The following SCN7A variants were observed in gnomAD, a reference collection of about 807,000 sequenced individuals.
The protein encoded by SCN7A is sodium channel protein type 7 subunit alpha.
In SCN7A, 138 loss-of-function variants were observed where a neutral mutation model predicts 155.2. The observed-to-expected ratio is 0.89, with a 90% confidence interval of 0.77 to 1.02. The LOEUF is 1.02. SCN7A is among the 50% of genes least tolerant of loss of function. SCN7A has a pLI of 0.00. For synonymous variants in SCN7A, 693 were observed against 649.0 expected (o/e 1.07, Z -1.03); for missense variants, 2,058 against 1,986.6 (o/e 1.04, Z -0.68).
Position 166,447,723 on chromosome 2 carries a change from G to T in SCN7A, c.1291-15C>A, listed in dbSNP as rs372093707. 77 of 1,586,346 alleles carry T rather than the reference G, an allele frequency of 4.9e-5. No homozygotes were observed. The highest frequency in any genetic ancestry group is 6.0e-5 in the Non-Finnish European group (69 of 1,155,530). ...ATGGTCTTGGCCTGAAAAGGAATTT[G>T]ATGGTTTAATACTGGCTTCCTGTCT... is the stretch of plus-strand genomic sequence containing the variant. On this transcript the variant is annotated splice_polypyrimidine_tract_variant and intron_variant, in intron 11 of 25. Coordinates refer to ENST00000643258, the MANE Select transcript of SCN7A (RefSeq NM_002976.4).
intron 15 of SCN7A, chr2:166,436,472 C>A (rs1238272770): frequency 2.6e-6 from 1 of 383,494 alleles, no homozygotes; most frequent in Admixed American, 2.9e-5. Context: ...AAACCTCTTT[C>A]TTTTGTAAAT....
At chr2:166,411,539 AC>A (rs1164854094) in intron 23 of SCN7A, among the ~76,000 whole-genome samples, 1 of 152,036 alleles carries the variant, frequency 6.6e-6, no homozygotes, top group Non-Finnish European at 1.5e-5. Flanking sequence ...AGAAAAAAAA[AC>A]ATATGCTGAG....
chr2:166,492,903 G>A (rs1683145115), intron 1 of SCN7A, among the ~76,000 whole-genome samples: 1 of 151,992 alleles, frequency 6.6e-6, no homozygotes, highest in African/African-American at 2.4e-5. Flanking sequence ...TTAAATAATT[G>A]GCTTAATTTG....
Position 166,405,624 on chromosome 2 carries a change from A to G in SCN7A, c.5005T>C (p.Phe1669Leu), listed in dbSNP as rs1482203902. ...DVHATKEGAY[F>L]DKAKEKSPIQ... ...GGTGACTTTTCCTTAGCTTTGTCAA[A>G]ATAGGCACCTTCTTTAGTAGCATGA... is the stretch of plus-strand genomic sequence containing the variant. Residue 1669 changes from phenylalanine to leucine, a missense_variant, in exon 26 of 26, where the codon TTT becomes CTT. Coordinates refer to ENST00000643258, the MANE Select transcript of SCN7A (RefSeq NM_002976.4). 2.0e-5 allele frequency: 32 copies of G among 1,606,500 alleles called. No homozygotes were observed. Among genetic ancestry groups the G allele is most frequent in the Non-Finnish European group, 2.7e-5 (32 of 1,176,724 alleles).
At chr2:166,493,885 G>A (rs1381963680) in intron 1 of SCN7A, 83 bp downstream of exon 1, 1 of 152,530 alleles carries the variant, frequency 6.6e-6, no homozygotes, top group Non-Finnish European at 1.5e-5. Flanking sequence ...TGGGGCAGGT[G>A]GGAGTGGATG....
intron 15 of SCN7A, 94 bp from the exon 16 acceptor site, chr2:166,432,846 AT>A (rs1448979174): frequency 1.3e-5 from 11 of 820,694 alleles, no homozygotes; most frequent in Non-Finnish European, 2.0e-5. Context: ...AGAACATTTA[AT>A]ATCTACTCTG....
chr2:166,456,897 T>C lies in SCN7A; in HGVS notation c.1263A>G (p.Glu421=). ...CATCTGTTTCATTTCCTTCTTGAAGTTCTTTTCCAGTCTGTTGAAATTTTG... is the reference window on the plus strand; with the variant it reads ...CATCTGTTTCATTTCCTTCTTGAAGCTCTTTTCCAGTCTGTTGAAATTTTG... ...IEPKFQQTGK[E]LQEGNETDEA... Residue 421 remains glutamate, a synonymous_variant, in exon 11 of 26, where the codon GAA becomes GAG. Transcript: ENST00000643258. The C allele has an allele frequency of 1.7e-5, 26 of 1,549,820 alleles. No individual in the cohort carries two copies. The highest frequency in any genetic ancestry group is 2.3e-5 in the Non-Finnish European group (26 of 1,145,492).
intron 11 of SCN7A, among the ~76,000 whole-genome samples, chr2:166,454,649 A>G (rs1175099818): frequency 6.6e-6 from 1 of 152,070 alleles, no homozygotes; most frequent in African/African-American, 2.4e-5. Context: ...TTATCTCTTT[A>G]TAGAGAGGGC....
intron 15 of SCN7A, among the ~76,000 whole-genome samples, chr2:166,433,691 A>G (rs1701779775): frequency 6.6e-6 from 1 of 152,158 alleles, no homozygotes; most frequent in African/African-American, 2.4e-5. Context: ...GCCCTGTTCC[A>G]GGAAAACATG....
Position 166,443,508 on chromosome 2 carries a change from T to C in SCN7A, c.1795A>G (p.Arg599Gly), listed in dbSNP as rs1702001420. ...VAGMALLRLF[R>G]MLRIFKLGKY... is the part of the protein sequence containing the mutation. The stretch of plus-strand genomic sequence containing the variant: ...AGGTATTGGATTCTACTTACCATCC[T>C]GAATAATCGAAGAAGAGCCATTCCT... Residue 599 changes from arginine (R) to glycine (G), a missense_variant, in exon 14 of 26, where the codon AGG (arginine) becomes GGG (glycine). By Grantham distance (125) the Arg-to-Gly change is moderately radical. Transcript: ENST00000643258. 1.9e-6 allele frequency: 3 copies of C among 1,591,456 alleles called. No individual in the cohort carries two copies. The highest frequency in any genetic ancestry group is 2.7e-5 in the African/African-American group (2 of 74,396).
At chr2:166,472,564 A>C in intron 5 of SCN7A, 119 bp from the exon 6 acceptor site, 1 of 841,260 alleles carries the variant, frequency 1.2e-6, no homozygotes, top group Non-Finnish European at 1.8e-6. Flanking sequence ...AGGTGAGACC[A>C]GGTCTACTTG....
chr2:166,472,371 A>C lies in SCN7A; in HGVS notation c.518T>G (p.Phe173Cys). 1 of 1,608,894 alleles carries C rather than the reference A, an allele frequency of 6.2e-7. No individual in the cohort carries two copies. The highest frequency in any genetic ancestry group is 8.5e-7 in the Non-Finnish European group (1 of 1,176,836). The change falls in exon 6 of 26, where the codon TTT (phenylalanine) becomes TGT (cysteine). Residue 173 changes from phenylalanine to cysteine, a missense_variant. Phe to Cys is a radical substitution (Grantham distance 205, BLOSUM62 -2). Coordinates refer to ENST00000643258, the MANE Select transcript of SCN7A (RefSeq NM_002976.4). ...GTTCCATGGATCACCGAGGAAGGAA[A>C]ATGATCCTGCCCAGACACCTCTTGC... The part of the protein sequence containing the change: ...LFARGVWAGS[F>C]SFLGDPWNWL...
At chr2:166,426,328 C>A (rs1036308078) in intron 18 of SCN7A, among the ~76,000 whole-genome samples, 27 of 152,134 alleles carry the variant, frequency 1.8e-4, no homozygotes, top group East Asian at 1.2e-3. Flanking sequence ...TGGAGAAAGG[C>A]GTAGTATGGA....
chr2:166,427,901 A>T lies in SCN7A; in HGVS notation c.2740T>A (p.Ser914Thr). 6.2e-7 allele frequency: 1 copy of T among 1,612,848 alleles called. No homozygotes were observed. Among genetic ancestry groups the T allele is most frequent in the Non-Finnish European group, 8.5e-7 (1 of 1,179,284 alleles). ...GSSLGQISGA[S>T]KKGKIWQNIR... ...TTCTGCCAGATTTTTCCTTTCTTGG[A>T]TGCTCCACTGATTTGACCAAGTGAA... Residue 914 changes from serine to threonine, a missense_variant, in exon 18 of 26, where the codon TCC (serine) becomes ACC (threonine). Ser to Thr is a moderately conservative substitution (Grantham distance 58). Coordinates refer to ENST00000643258, the MANE Select transcript of SCN7A (RefSeq NM_002976.4).
intron 15 of SCN7A, chr2:166,441,188 C>G: frequency 2.2e-6 from 1 of 455,962 alleles, no homozygotes; most frequent in Non-Finnish European, 3.8e-6. Context: ...TTGTGTAAGA[C>G]TTCAAATCTG....
intron 8 of SCN7A, 124 bp downstream of exon 8, chr2:166,465,657 C>T (rs1702514409): frequency 2.4e-6 from 3 of 1,274,912 alleles, no homozygotes; most frequent in Non-Finnish European, 3.4e-6. Flanking sequence ...AGCAAATATC[C>T]TTGCCTTTCA....
chr2:166,464,014 C>T (rs1350329790), intron 9 of SCN7A, among the ~76,000 whole-genome samples: 2 of 151,980 alleles, frequency 1.3e-5, no homozygotes, highest in East Asian at 1.9e-4. Context: ...ACAGATTGTG[C>T]CACAGCACTG....
At chr2:166,463,653 A>G (rs1005321157) in intron 9 of SCN7A, among the ~76,000 whole-genome samples, 1 of 152,192 alleles carries the variant, frequency 6.6e-6, no homozygotes, top group African/African-American at 2.4e-5. Context: ...TGGAATGTAC[A>G]TAAAAGGAAT....
At chr2:166,434,693 A>T (rs1181219321) in intron 15 of SCN7A, among the ~76,000 whole-genome samples, 1 of 152,176 alleles carries the variant, frequency 6.6e-6, no homozygotes, top group Non-Finnish European at 1.5e-5. Flanking sequence ...GTTTCCTGAT[A>T]TAAGATGGTG....
Sources: allele counts gnomAD v4.1 joint callset (sites outside exome capture counted in the v4.1 genomes callset), GRCh38; gene constraint gnomAD v4.1.1; transcripts MANE v1.5; gene names NCBI Gene and HGNC (gene_info 2026-07-23, HGNC 2026-07-21).